MBD5: variants seen among roughly 807,000 people sequenced by gnomAD.
The protein encoded by MBD5 is methyl-CpG-binding domain protein 5.
In MBD5, 13 loss-of-function variants were observed where a neutral mutation model predicts 117.3. The observed-to-expected ratio is 0.11, with a 90% CI of 0.07 to 0.18. The LOEUF (loss-of-function observed/expected upper bound fraction) is 0.18, where lower values mean the gene tolerates loss of function less well. Among genes scored for constraint, MBD5 ranks in the 10% least tolerant of loss-of-function variants. The pLI is 1.00. For missense variants in MBD5, 1,879 were observed against 2,093.8 expected (o/e 0.90, Z 2.00); for synonymous variants, 727 against 766.4 (o/e 0.95, Z 0.85).
At chr2:148,075,689 T>C (rs1232245341) in intron 1 of MBD5, among the ~76,000 whole-genome samples, 1 of 151,968 alleles carries the variant, frequency 6.6e-6, no homozygotes, top group Non-Finnish European at 1.5e-5. Context: ...ATAAGATCCA[T>C]ATGTTGCAAT....
At chr2:148,314,783 A>G (rs1254568647) in intron 3 of MBD5, among the ~76,000 whole-genome samples, 1 of 152,170 alleles carries the variant, frequency 6.6e-6, no homozygotes, top group Non-Finnish European at 1.5e-5. Context: ...TTCAGTAACT[A>G]TCTCTTACTC....
At chr2:148,216,294 A>G (rs1368139130) in intron 2 of MBD5, among the ~76,000 whole-genome samples, 2 of 152,194 alleles carry the variant, frequency 1.3e-5, no homozygotes, top group African/African-American at 4.8e-5. Context: ...AGAGAGTAGA[A>G]ACTGTAGTAG....
At chr2:148,439,907 T>A (rs1296965286) in intron 4 of MBD5, among the ~76,000 whole-genome samples, 1 of 152,036 alleles carries the variant, frequency 6.6e-6, no homozygotes, top group Non-Finnish European at 1.5e-5. Context: ...CCCAATTAAT[T>A]TGTAAAAATT....
intron 3 of MBD5, among the ~76,000 whole-genome samples, chr2:148,321,974 A>G (rs970141462): frequency 6.6e-6 from 1 of 152,070 alleles, no homozygotes; most frequent in Admixed American, 6.5e-5. Context: ...TGGTTTTCTC[A>G]TTCTCACTTT....
chr2:148,188,634 G>C (rs1486701071), intron 2 of MBD5, among the ~76,000 whole-genome samples: 1 of 145,784 alleles, frequency 6.9e-6, no homozygotes, highest in Non-Finnish European at 1.5e-5. Flanking sequence ...AGTGAGCCAT[G>C]ATTGCGCCAC....
intron 10 of MBD5, among the ~76,000 whole-genome samples, chr2:148,487,618 T>C (rs1320135010): frequency 1.3e-5 from 2 of 152,136 alleles, no homozygotes; most frequent in Non-Finnish European, 1.5e-5. Context: ...ATCAGTGACT[T>C]AGTGGAATGC....
At chr2:148,218,883 T>C (rs1350594988) in intron 2 of MBD5, among the ~76,000 whole-genome samples, 1 of 152,190 alleles carries the variant, frequency 6.6e-6, no homozygotes, top group Non-Finnish European at 1.5e-5. Flanking sequence ...AGTGAGTGAA[T>C]GCGAAGGCCT....
At chr2:148,050,387 C>CT (rs1311703647) in intron 1 of MBD5, among the ~76,000 whole-genome samples, 2 of 151,912 alleles carry the variant, frequency 1.3e-5, no homozygotes, top group Non-Finnish European at 2.9e-5. Context: ...TATTCAAATC[C>CT]TTTTCCACTT....
At chr2:148,245,328 C>T (rs1176656793) in intron 3 of MBD5, among the ~76,000 whole-genome samples, 8 of 152,130 alleles carry the variant, frequency 5.3e-5, no homozygotes, top group East Asian at 3.9e-4. Flanking sequence ...TGGGTTCAAG[C>T]GATTCTCCTG....
intron 2 of MBD5, among the ~76,000 whole-genome samples, chr2:148,226,721 TC>T (rs1305112802): frequency 6.6e-6 from 1 of 152,180 alleles, no homozygotes; most frequent in Non-Finnish European, 1.5e-5. Context: ...TAGTTTACAG[TC>T]CCACCAGCAG....
chr2:148,449,628 C>T (rs1215120018), intron 4 of MBD5, among the ~76,000 whole-genome samples: 1 of 151,772 alleles, frequency 6.6e-6, no homozygotes, highest in Non-Finnish European at 1.5e-5. Context: ...CATTTTAGAA[C>T]CAATCTAAAG....
At chr2:148,139,638 T>C (rs867599360) in intron 1 of MBD5, among the ~76,000 whole-genome samples, 19 of 152,298 alleles carry the variant, frequency 1.2e-4, no homozygotes, top group Middle Eastern at 6.8e-3. Flanking sequence ...GATACGATTT[T>C]TTCATGTCCA....
At chr2:148,326,044 C>T (rs1380988405) in intron 3 of MBD5, among the ~76,000 whole-genome samples, 3 of 152,046 alleles carry the variant, frequency 2.0e-5, no homozygotes, top group African/African-American at 7.2e-5. Flanking sequence ...TGTCTTTGTT[C>T]TCATTGGTTT....
intron 3 of MBD5, among the ~76,000 whole-genome samples, chr2:148,335,340 C>T (rs1248880485): frequency 3.3e-5 from 5 of 152,046 alleles, no homozygotes; most frequent in African/African-American, 4.8e-5. Context: ...GAGATCCCAC[C>T]GCCACACTCC....
chr2:148,470,222 A>G lies in MBD5; in HGVS notation c.2279A>G (p.His760Arg), dbSNP rs763275881. ...QNIPLRGEAV[H>R]CHNANTNFVH... The stretch of plus-strand genomic sequence containing the variant: ...ATACCTTTAAGAGGGGAAGCCGTGC[A>G]CTGCCACAATGCAAACACTAACTTT... The change falls in exon 8 of 14, where the codon CAC becomes CGC. Residue 760 changes from histidine (H) to arginine (R), a missense_variant. His to Arg is a conservative substitution (Grantham distance 29). This residue lies in a region of MBD5 where 1,666 missense variants were observed against 1,792.2 expected (regional missense o/e 0.93). Transcript: ENST00000642680. 157 of 1,613,866 alleles carry G rather than the reference A, an allele frequency of 9.7e-5. No homozygotes were observed. Among genetic ancestry groups the G allele is most frequent in the Admixed American group, 1.5e-4 (9 of 59,964 alleles).
At chr2:148,216,491 C>T (rs1399023780) in intron 2 of MBD5, among the ~76,000 whole-genome samples, 2 of 152,148 alleles carry the variant, frequency 1.3e-5, no homozygotes, top group Admixed American at 1.3e-4. Context: ...AACTTCATGA[C>T]TTCTAAAATG....
In MBD5 at chr2:148,380,415, T is replaced by C. The variant is rs538774407; in HGVS notation, c.-557+38079T>C. Among the ~76,000 whole-genome samples, 11 of 152,310 alleles carry C rather than the reference T, an allele frequency of 7.2e-5. No individual in the cohort carries two copies. In the South Asian group the frequency reaches 2.1e-3, roughly 29 times the overall value. ...CAGCAAATTTCAAAGAATTGTTGTC[T>C]CATAGACCACATTCTCTGATAAATA... is the stretch of plus-strand genomic sequence containing the variant. On this transcript the variant is annotated intron_variant, in intron 4 of 13. Coordinates refer to ENST00000642680, the MANE Select transcript of MBD5 (RefSeq NM_001378120.1).
chr2:148,358,459 T>A (rs1056162457), intron 4 of MBD5, among the ~76,000 whole-genome samples: 11 of 152,080 alleles, frequency 7.2e-5, no homozygotes, highest in Admixed American at 7.2e-4. Context: ...ACAAGTTAAA[T>A]ACAATACTTT....
intron 4 of MBD5, among the ~76,000 whole-genome samples, chr2:148,452,484 A>G (rs1310622810): frequency 2.6e-5 from 4 of 152,136 alleles, no homozygotes; most frequent in Admixed American, 6.6e-5. Flanking sequence ...TGGGCAATGG[A>G]GTGAGACCTT....
Sources: gnomAD v4.1 joint callset for allele counts (sites outside exome capture counted in the v4.1 genomes callset) on GRCh38, gnomAD v4.1.1 for gene constraint, gnomAD v4.1.1 regional missense constraint, MANE v1.5 for transcripts, NCBI Gene and HGNC (gene_info 2026-07-23, HGNC 2026-07-21) for gene names.